Variants in LRRIQ1 observed in about 807,000 individuals in gnomAD.
LRRIQ1 encodes leucine rich repeats and IQ motif containing 1, also known as leucine-rich repeat- and IQ domain-containing protein 1.
Under a neutral mutation model 211.9 loss-of-function variants are expected in LRRIQ1, and 210 were observed. The ratio of observed to expected loss-of-function variants is 0.99; its 90% CI spans 0.89 to 1.11. The LOEUF (loss-of-function observed/expected upper bound fraction) is 1.11, where lower values mean the gene tolerates loss of function less well. LRRIQ1 is among the 50% of genes most tolerant of loss of function. The pLI, the probability that LRRIQ1 is intolerant of heterozygous loss-of-function variation, is 0.00. For synonymous variants in LRRIQ1, 699 were observed against 650.1 expected, an observed-to-expected ratio of 1.08 and a Z score of -1.14; for missense variants, 2,136 against 1,939.5, an observed-to-expected ratio of 1.10 and a Z score of -1.90.
chr12:85,056,273 G>T lies in LRRIQ1; in HGVS notation c.1480G>T (p.Glu494Ter). ...AAACCTAGCAAAAAAACGATGTTCA[G>T]AAGAATTGGTCAAGCAAGAAAGAAA... ...NENLAKKRCS[E>*]ELVKQERKYE... Residue 494 changes from glutamate (E) to a stop codon, truncating the protein, a stop_gained, in exon 8 of 27, where the codon GAA (glutamate) becomes TAA (stop). Coordinates refer to ENST00000393217, the MANE Select transcript of LRRIQ1 (RefSeq NM_001079910.2). LOFTEE classifies it high-confidence loss of function. The T allele has an allele frequency of 6.3e-7, 1 of 1,580,324 alleles. No homozygotes were observed. Among genetic ancestry groups the T allele is most frequent in the Non-Finnish European group, 8.5e-7 (1 of 1,171,448 alleles).
At chr12:85,176,858 T>C (rs2136854525) in intron 24 of LRRIQ1, among the ~76,000 whole-genome samples, 1 of 152,304 alleles carries the variant, frequency 6.6e-6, no homozygotes, top group Admixed American at 6.5e-5. Context: ...ATTAAATTAC[T>C]TATGCCTAAA....
intron 10 of LRRIQ1, among the ~76,000 whole-genome samples, chr12:85,069,538 C>A (rs1324314232): frequency 1.3e-5 from 2 of 152,020 alleles, no homozygotes; most frequent in Non-Finnish European, 2.9e-5. Context: ...AATGGTTGAA[C>A]TAGTTTACAG....
intron 11 of LRRIQ1, among the ~76,000 whole-genome samples, chr12:85,089,526 T>G (rs1885164199): frequency 2.6e-5 from 4 of 152,180 alleles, no homozygotes; most frequent in Admixed American, 2.6e-4. Context: ...GAGAAACTTA[T>G]GGGGAATTGG....
At chr12:85,040,146 A>G (rs1436624357) in intron 2 of LRRIQ1, among the ~76,000 whole-genome samples, 1 of 151,622 alleles carries the variant, frequency 6.6e-6, no homozygotes, top group Non-Finnish European at 1.5e-5. Context: ...AGTTTTGATT[A>G]ATATTTGATA....
At chr12:85,051,150 T>TA (rs951436227) in intron 6 of LRRIQ1, among the ~76,000 whole-genome samples, 1 of 151,936 alleles carries the variant, frequency 6.6e-6, no homozygotes, top group Non-Finnish European at 1.5e-5. Context: ...ATCTGACTGT[T>TA]AAAAGGAGCC....
At chr12:85,088,690 T>G (rs1885080802) in intron 11 of LRRIQ1, among the ~76,000 whole-genome samples, 1 of 152,176 alleles carries the variant, frequency 6.6e-6, no homozygotes, top group Admixed American at 6.5e-5. Context: ...TCCTAGGTAT[T>G]TTATTCTCTT....
intron 19 of LRRIQ1, among the ~76,000 whole-genome samples, chr12:85,142,599 G>C (rs1214585066): frequency 6.6e-6 from 1 of 151,290 alleles, no homozygotes; most frequent in Non-Finnish European, 1.5e-5. Context: ...CTGTGACCAA[G>C]ATCTCCTGCA....
Position 85,055,565 on chromosome 12 carries a change from C to A in LRRIQ1, c.772C>A (p.His258Asn). The change falls in exon 8 of 27, where the codon CAT becomes AAT. Residue 258 changes from histidine (H) to asparagine (N), a missense_variant. By Grantham distance (68) the His-to-Asn change is moderately conservative. Transcript: ENST00000393217. ...GTTTTAGGAGTATATTAGAAACTTG[C>A]ATTTACAAATGGAAGAAGAAAGAAC... ...KQHEEYIRNLHLQMEEERTRF... is the reference protein window; with the variant it reads ...KQHEEYIRNLNLQMEEERTRF... The A allele has an allele frequency of 2.0e-6, 3 of 1,534,928 alleles. No homozygotes were observed. The highest frequency in any genetic ancestry group is 1.7e-6 in the Non-Finnish European group (2 of 1,148,218).
intron 1 of LRRIQ1, among the ~76,000 whole-genome samples, chr12:85,257,047 TATATATATAATTATATAATTATATAA>T (rs1565931229): frequency 9.2e-6 from 1 of 108,670 alleles, no homozygotes; most frequent in African/African-American, 4.2e-5. Flanking sequence ...ATTATATAAT[TATATATATAATTATATAATTATATAA>T]ATATATATAA....
chr12:85,089,169 A>G (rs1885127502), intron 11 of LRRIQ1, among the ~76,000 whole-genome samples: 1 of 152,172 alleles, frequency 6.6e-6, no homozygotes, highest in South Asian at 2.1e-4. Context: ...GAATTTTGTC[A>G]AAGGCCTTTT....
rs77077980 is a variant in LRRIQ1, at chr12:85,164,557, T to A, written c.4822+3843T>A. On this transcript the variant is annotated intron_variant, in intron 24 of 26. Coordinates refer to ENST00000393217, the MANE Select transcript of LRRIQ1 (RefSeq NM_001079910.2). ...TTTAAAAGTATGGCATCCCTTCTTGTTCTTGTTTACAATTAGTTCTCTTTA... is the reference window on the plus strand; with the variant it reads ...TTTAAAAGTATGGCATCCCTTCTTGATCTTGTTTACAATTAGTTCTCTTTA... Among the ~76,000 whole-genome samples, 288 of 152,328 alleles carry A rather than the reference T, an allele frequency of 1.9e-3. 8 individuals carry two copies. The East Asian group carries it at 0.044, about 23-fold the overall frequency.
Position 85,179,521 on chromosome 12 carries a change from C to T in LRRIQ1, c.4822+18807C>T, listed in dbSNP as rs1507215. ...TGTGAAGGTGATGGTAGAAAGTGGA[C>T]TAGGAACAATAAGTGAAGGGCATTG... On this transcript the variant is annotated intron_variant, in intron 24 of 26. Transcript: ENST00000393217. Among the ~76,000 whole-genome samples the T allele has an allele frequency of 4.9e-3, 742 of 151,986 alleles. 3 individuals carry two copies. Among genetic ancestry groups the T allele is most frequent in the African/African-American group, 0.017 (703 of 41,528 alleles).
intron 10 of LRRIQ1, among the ~76,000 whole-genome samples, chr12:85,071,059 G>T (rs1035156718): frequency 6.6e-6 from 1 of 151,752 alleles, no homozygotes; most frequent in African/African-American, 2.4e-5. Context: ...CCATTTGATT[G>T]TGTTTAACTT....
intron 10 of LRRIQ1, among the ~76,000 whole-genome samples, chr12:85,071,199 A>G (rs1002695362): frequency 8.6e-5 from 13 of 151,932 alleles, no homozygotes; most frequent in Admixed American, 7.2e-4. Flanking sequence ...ATTTTTGTAT[A>G]ATATGTACAT....
chr12:85,133,264 A>C (rs1304264689), intron 18 of LRRIQ1, among the ~76,000 whole-genome samples: 1 of 152,126 alleles, frequency 6.6e-6, no homozygotes, highest in Non-Finnish European at 1.5e-5. Flanking sequence ...TAACAATCAT[A>C]ATTTGAGTTA....
intron 1 of LRRIQ1, among the ~76,000 whole-genome samples, chr12:85,250,700 A>G (rs948578595): frequency 2.7e-5 from 4 of 146,204 alleles, no homozygotes; most frequent in African/African-American, 1.0e-4. Flanking sequence ...TAATCACACC[A>G]CTGGACTTCA....
intron 11 of LRRIQ1, among the ~76,000 whole-genome samples, chr12:85,081,380 T>C (rs1241361712): frequency 6.6e-6 from 1 of 152,132 alleles, no homozygotes; most frequent in Admixed American, 6.6e-5. Flanking sequence ...ATTATTACTA[T>C]AATCAGAAAG....
rs367914624 is a variant in LRRIQ1 at position 85,142,483 on chromosome 12, C to T, written c.4329+4514C>T. Among the ~76,000 whole-genome samples, 10 of 151,570 alleles carry T rather than the reference C, an allele frequency of 6.6e-5. No individual in the cohort carries two copies. The South Asian group carries it at 8.3e-4, about 13-fold the overall frequency. On this transcript the variant is annotated intron_variant, in intron 19 of 26. Transcript: ENST00000393217. Reference sequence around the variant, plus strand: ...TTTTTATAGTGAGAATACTTTCATTCGCTCTCAACATTTTTCAAGAGCACA... The same window carrying T: ...TTTTTATAGTGAGAATACTTTCATTTGCTCTCAACATTTTTCAAGAGCACA...
At chr12:85,173,735 C>T (rs1013292389) in intron 24 of LRRIQ1, among the ~76,000 whole-genome samples, 5 of 152,042 alleles carry the variant, frequency 3.3e-5, no homozygotes, top group African/African-American at 4.8e-5. Context: ...GAGGATCCCA[C>T]CCTCATTTCC....
Sources: allele counts gnomAD v4.1 joint callset (sites outside exome capture counted in the v4.1 genomes callset), GRCh38; gene constraint gnomAD v4.1.1; transcripts MANE v1.5; gene names NCBI Gene and HGNC (gene_info 2026-07-23, HGNC 2026-07-21).